The following MIB1 variants were observed in gnomAD, a reference collection of about 807,000 sequenced individuals.
MIB1 encodes E3 ubiquitin-protein ligase MIB1.
MIB1 carries 278 observed loss-of-function variants against 124.5 expected under a neutral mutation model. That is an observed-to-expected ratio of 2.23 (90% CI 2.02 to 2.47). The LOEUF (loss-of-function observed/expected upper bound fraction) is 2.47. MIB1 is among the 30% of genes most tolerant of loss of function. The pLI, the probability that MIB1 is intolerant of heterozygous loss-of-function variation, is 0.00. For missense variants in MIB1, 957 were observed against 1,254.4 expected, an observed-to-expected ratio of 0.76 and a Z score of 3.58; for synonymous variants, 446 against 429.4, an observed-to-expected ratio of 1.04 and a Z score of -0.48.
intron 5 of MIB1, 142 bp from the exon 6 acceptor site, chr18:21,779,339 A>G (rs1249001445): frequency 1.5e-6 from 1 of 648,252 alleles, no homozygotes; most frequent in Non-Finnish European, 2.7e-6. Flanking sequence ...CTAAAATTTT[A>G]TACTTATAGG....
intron 1 of MIB1, among the ~76,000 whole-genome samples, chr18:21,721,979 G>C (rs2040717596): frequency 6.6e-6 from 1 of 152,108 alleles, no homozygotes; most frequent in Admixed American, 6.6e-5. Context: ...ATCTAATTCA[G>C]GGTCTATCAT....
At chr18:21,861,599 CATCTT>C (rs966862672) in intron 20 of MIB1, among the ~76,000 whole-genome samples, 4 of 149,102 alleles carry the variant, frequency 2.7e-5, no homozygotes, top group South Asian at 2.2e-4. Context: ...TATCAAAACT[CATCTT>C]ATGAGGAATG....
At chr18:21,767,440 C>G (rs2041174488) in intron 2 of MIB1, among the ~76,000 whole-genome samples, 1 of 152,166 alleles carries the variant, frequency 6.6e-6, no homozygotes, top group Non-Finnish European at 1.5e-5. Context: ...CACTGGGTCC[C>G]TCCCTCGACG....
chr18:21,864,855 T>G lies in MIB1; in HGVS notation c.*189T>G. ...TGGTGTTGGAAATTGTGTTTTTTGT[T>G]TTTGTTTTAAATTTGAAACATCAAA... On this transcript the variant is annotated 3_prime_UTR_variant, in exon 21 of 21. Transcript: ENST00000261537. 1 of 417,646 alleles carries G rather than the reference T, an allele frequency of 2.4e-6. No individual in the cohort carries two copies. The allele number at this position is 417,646 out of a possible 1,614,324, so 25.9% of individuals were successfully genotyped here. A position where few individuals can be genotyped will look rare whatever the true frequency, so the allele number is the denominator to read the frequency against.
chr18:21,788,425 G>A (rs374648489), intron 6 of MIB1, among the ~76,000 whole-genome samples: 1 of 152,038 alleles, frequency 6.6e-6, no homozygotes, highest in Non-Finnish European at 1.5e-5. Flanking sequence ...ACACCCTTTC[G>A]TGATAAAAAC....
At chr18:21,842,387 T>G (rs1318439383) in intron 13 of MIB1, among the ~76,000 whole-genome samples, 1 of 152,172 alleles carries the variant, frequency 6.6e-6, no homozygotes, top group African/African-American at 2.4e-5. Flanking sequence ...TTGCTAGGCA[T>G]TTTCATATGT....
intron 1 of MIB1, among the ~76,000 whole-genome samples, chr18:21,719,292 T>C (rs2040703521): frequency 6.6e-6 from 1 of 152,058 alleles, no homozygotes; most frequent in Non-Finnish European, 1.5e-5. Flanking sequence ...GCTATGATTA[T>C]ATCACTGCAT....
At chr18:21,705,476 A>C (rs528688212) in intron 1 of MIB1, among the ~76,000 whole-genome samples, 1 of 152,226 alleles carries the variant, frequency 6.6e-6, no homozygotes, top group Non-Finnish European at 1.5e-5. Flanking sequence ...ACAAGAAACC[A>C]TTTATGAAGT....
chr18:21,835,840 A>ACACAAACACAC (rs1555695330), intron 12 of MIB1, among the ~76,000 whole-genome samples: 1 of 108,056 alleles, frequency 9.3e-6, no homozygotes, highest in East Asian at 2.7e-4. Context: ...CACACACACA[A>ACACAAACACAC]ACACACACGA....
At chr18:21,859,042 T>C (rs923649055) in intron 20 of MIB1, among the ~76,000 whole-genome samples, 8 of 152,242 alleles carry the variant, frequency 5.3e-5, no homozygotes, top group African/African-American at 1.9e-4. Context: ...AGACAGTTTG[T>C]CATTATCTAA....
Position 21,768,691 on chromosome 18 carries a change from TG to T in MIB1, c.472del (p.Val158CysfsTer21). 1 of 1,608,976 alleles carries T rather than the reference TG, an allele frequency of 6.2e-7. No homozygotes were observed. Among genetic ancestry groups the T allele is most frequent in the Non-Finnish European group, 8.5e-7 (1 of 1,177,622 alleles). On this transcript the variant is annotated frameshift_variant, in exon 3 of 21. Transcript: ENST00000261537. LOFTEE classifies it high-confidence loss of function. Reference protein sequence around the residue: ...TARGIFAGARVVRGVDWQWED... With the variant: ...TARGIFAGARXVRGVDWQWED... ...AGAGGAATCTTTGCAGGTGCCAGAG[TG>T]GTGCGAGGAGTGGACTGGCAGTGGG...
chr18:21,859,135 C>T lies in MIB1; in HGVS notation c.2880+489C>T, dbSNP rs142251837. Among the ~76,000 whole-genome samples the T allele has an allele frequency of 1.5e-3, 225 of 152,240 alleles. 2 individuals are homozygous for T. The highest frequency in any genetic ancestry group is 5.1e-3 in the African/African-American group (210 of 41,548). ...TATTAAAAGTTGAAGGTAGTCCAGGCGCAGTGGTTCATGCCTGCAATCTCA... is the reference window on the plus strand; with the variant it reads ...TATTAAAAGTTGAAGGTAGTCCAGGTGCAGTGGTTCATGCCTGCAATCTCA... On this transcript the variant is annotated intron_variant, in intron 20 of 20. Transcript: ENST00000261537.
intron 10 of MIB1, among the ~76,000 whole-genome samples, chr18:21,810,620 C>T (rs1304672495): frequency 6.6e-6 from 1 of 151,508 alleles, no homozygotes; most frequent in Non-Finnish European, 1.5e-5. Flanking sequence ...GGGTCCAAGA[C>T]AATTTAATGG....
intron 1 of MIB1, among the ~76,000 whole-genome samples, chr18:21,731,756 A>T (rs1598582447): frequency 6.6e-6 from 1 of 151,656 alleles, no homozygotes; most frequent in South Asian, 2.1e-4. Context: ...AAAAAAAAAA[A>T]AAGCTGTTGT....
At chr18:21,721,162 T>TGTTTG (rs1209439099) in intron 1 of MIB1, among the ~76,000 whole-genome samples, 46 of 79,212 alleles carry the variant, frequency 5.8e-4, no homozygotes, top group South Asian at 1.4e-3. Flanking sequence ...TAAAGAAGTT[T>TGTTTG]TTTTTTTTTT....
At chr18:21,770,539 C>T (rs1202701791) in intron 3 of MIB1, among the ~76,000 whole-genome samples, 1 of 152,034 alleles carries the variant, frequency 6.6e-6, no homozygotes, top group African/African-American at 2.4e-5. Flanking sequence ...AGGCTGGTCT[C>T]GAACTCCTGG....
At chr18:21,782,732 G>T (rs1426550243) in intron 6 of MIB1, among the ~76,000 whole-genome samples, 1 of 152,128 alleles carries the variant, frequency 6.6e-6, no homozygotes, top group Admixed American at 6.5e-5. Flanking sequence ...TGAGAACAGT[G>T]TGTATTCTAT....
rs988157783 is a variant in MIB1, at chr18:21,865,578, T to C, written c.*912T>C. On this transcript the variant is annotated 3_prime_UTR_variant, in exon 21 of 21. Transcript: ENST00000261537. The stretch of plus-strand genomic sequence containing the variant: ...AATGACATTGCCCTATTTGGACCTC[T>C]GAGGTTCTATTTAGCTTTGCAGATG... 4 of 152,736 alleles carry C rather than the reference T, an allele frequency of 2.6e-5. No homozygotes were observed. The East Asian group carries it at 5.8e-4, about 22-fold the overall frequency. The allele number at this position is 152,736 out of a possible 1,614,324, so 9.5% of individuals were successfully genotyped here. A position where few individuals can be genotyped will look rare whatever the true frequency, so the allele number is the denominator to read the frequency against.
intron 1 of MIB1, among the ~76,000 whole-genome samples, chr18:21,713,593 A>G (rs1299988323): frequency 7.3e-6 from 1 of 137,628 alleles, no homozygotes; most frequent in Non-Finnish European, 1.5e-5. Flanking sequence ...AGCCCGGGCG[A>G]CAGAGCAAGA....
Sources: gnomAD v4.1 joint callset for allele counts (sites outside exome capture counted in the v4.1 genomes callset) on GRCh38, gnomAD v4.1.1 for gene constraint, MANE v1.5 for transcripts, NCBI Gene and HGNC (gene_info 2026-07-23, HGNC 2026-07-21) for gene names.